Variants in LRBA observed in about 807,000 individuals in gnomAD.
LRBA encodes LPS responsive beige-like anchor protein, also known as lipopolysaccharide-responsive and beige-like anchor protein.
Under a neutral mutation model 330.0 loss-of-function variants are expected in LRBA, and 176 were observed. The observed-to-expected ratio is 0.53, with a 90% CI of 0.47 to 0.60. The LOEUF is 0.60. Among genes scored for constraint, LRBA ranks in the 20% least tolerant of loss-of-function variants. The probability of loss-of-function intolerance (pLI) is 0.00; values close to 1 mark genes in which losing one functional copy is unlikely to be tolerated. For missense variants in LRBA, 3,259 were observed against 3,444.8 expected (o/e 0.95, Z 1.35); for synonymous variants, 1,230 against 1,193.0 (o/e 1.03, Z -0.64).
At chr4:150,989,528 G>T (rs565551495) in intron 2 of LRBA, among the ~76,000 whole-genome samples, 1 of 152,116 alleles carries the variant, frequency 6.6e-6, no homozygotes, top group African/African-American at 2.4e-5. Flanking sequence ...TGAGAGAATC[G>T]CTTGAACCCG....
At chr4:150,775,295 A>G (rs1198957407) in intron 34 of LRBA, among the ~76,000 whole-genome samples, 1 of 152,176 alleles carries the variant, frequency 6.6e-6, no homozygotes, top group Admixed American at 6.5e-5. Context: ...CTTACATTAT[A>G]AATCTACTCC....
intron 36 of LRBA, among the ~76,000 whole-genome samples, chr4:150,692,862 G>A (rs1435588742): frequency 6.6e-6 from 1 of 152,134 alleles, no homozygotes; most frequent in Non-Finnish European, 1.5e-5. Context: ...ATATACTTTT[G>A]CAAGATAGTG....
At position 150,392,476 on chromosome 4, in the gene LRBA, C is replaced by T. The variant is rs186037111; in HGVS notation, c.7194+22962G>A. On this transcript the variant is annotated intron_variant, in intron 47 of 56. Transcript: ENST00000651943. The stretch of plus-strand genomic sequence containing the variant: ...GGCTCCAATACCCTCACAATGTCAT[C>T]TAAACCTAATTATCTTTATTTCTTA... Among the ~76,000 whole-genome samples, 140 of 152,244 alleles carry T rather than the reference C, an allele frequency of 9.2e-4. 4 individuals are homozygous for T. Among genetic ancestry groups the T allele is most frequent in the African/African-American group, 3.3e-3 (138 of 41,550 alleles).
At chr4:150,735,505 G>A in intron 35 of LRBA, 139 bp from the exon 36 acceptor site, 1 of 644,882 alleles carries the variant, frequency 1.6e-6, no homozygotes, top group Admixed American at 2.5e-5. Context: ...ATTATTTCAT[G>A]CTAAATAATT....
chr4:150,312,383 T>C (rs1731188104), intron 51 of LRBA, among the ~76,000 whole-genome samples: 1 of 152,092 alleles, frequency 6.6e-6, no homozygotes, highest in South Asian at 2.1e-4. Context: ...TCAACTTTAA[T>C]ATATTCTACT....
At chr4:150,346,634 C>T (rs1736348003) in intron 48 of LRBA, among the ~76,000 whole-genome samples, 1 of 151,634 alleles carries the variant, frequency 6.6e-6, no homozygotes, top group African/African-American at 2.4e-5. Flanking sequence ...TGGTGCATGC[C>T]TGTAATCCCA....
At position 150,265,816 on chromosome 4, in the gene LRBA, G is replaced by A. The variant is rs1745228677; in HGVS notation, c.8469-4C>T. On this transcript the variant is annotated splice_region_variant and splice_polypyrimidine_tract_variant and intron_variant, in intron 56 of 56. Transcript: ENST00000651943. The stretch of plus-strand genomic sequence containing the variant: ...AGCCATGCCAGAAATGATGCACCTA[G>A]GAGAAGCACAGAGAGAAGGACTTTT... 6.3e-7 allele frequency: 1 copy of A among 1,592,110 alleles called. No homozygotes were observed. Among genetic ancestry groups the A allele is most frequent in the Non-Finnish European group, 8.6e-7 (1 of 1,160,078 alleles).
chr4:150,971,171 T>A (rs757031478), intron 2 of LRBA, among the ~76,000 whole-genome samples: 12 of 152,248 alleles, frequency 7.9e-5, no homozygotes, highest in Non-Finnish European at 1.8e-4. Context: ...ATGTATTAGT[T>A]ATGGTTGCTA....
At chr4:150,479,217 G>A (rs1757037589) in intron 42 of LRBA, among the ~76,000 whole-genome samples, 1 of 151,978 alleles carries the variant, frequency 6.6e-6, no homozygotes, top group African/African-American at 2.4e-5. Flanking sequence ...AGATTGAGCT[G>A]CCGTGATTGT....
At chr4:150,874,692 A>C (rs746524768) in intron 17 of LRBA, among the ~76,000 whole-genome samples, 4 of 151,500 alleles carry the variant, frequency 2.6e-5, no homozygotes, top group Non-Finnish European at 5.9e-5. Context: ...TCAGGCAGAA[A>C]TCCAGACATT....
intron 34 of LRBA, among the ~76,000 whole-genome samples, chr4:150,767,576 G>A (rs542786599): frequency 6.6e-5 from 10 of 151,850 alleles, no homozygotes; most frequent in East Asian, 1.9e-4. Flanking sequence ...TGGCCAACAC[G>A]GTGAAATCCC....
At chr4:150,937,074 G>A (rs932041945) in intron 2 of LRBA, among the ~76,000 whole-genome samples, 3 of 152,018 alleles carry the variant, frequency 2.0e-5, no homozygotes, top group African/African-American at 7.2e-5. Flanking sequence ...CTTTTAAACT[G>A]AGATTATAAT....
chr4:150,860,569 T>C (rs1321294740), intron 22 of LRBA, among the ~76,000 whole-genome samples: 1 of 152,208 alleles, frequency 6.6e-6, no homozygotes, highest in Non-Finnish European at 1.5e-5. Context: ...GGTTCACACC[T>C]GTAATCCCAG....
chr4:150,773,536 A>T (rs1430252004), intron 34 of LRBA, among the ~76,000 whole-genome samples: 1 of 152,238 alleles, frequency 6.6e-6, no homozygotes, highest in African/African-American at 2.4e-5. Context: ...GCATAGGCCA[A>T]ATAGGCAAGT....
intron 17 of LRBA, among the ~76,000 whole-genome samples, chr4:150,886,068 CCT>C (rs1728910192): frequency 6.6e-6 from 1 of 152,010 alleles, no homozygotes; most frequent in South Asian, 2.1e-4. Flanking sequence ...CCCAATAAAG[CCT>C]CTCTGTCCCA....
chr4:150,450,977 C>A (rs1753274888), intron 44 of LRBA, among the ~76,000 whole-genome samples: 1 of 152,124 alleles, frequency 6.6e-6, no homozygotes, highest in African/African-American at 2.4e-5. Context: ...TTGCAATGAG[C>A]CAAGATGGCA....
intron 37 of LRBA, among the ~76,000 whole-genome samples, chr4:150,657,583 T>C (rs192965986): frequency 4.5e-4 from 69 of 152,118 alleles, no homozygotes; most frequent in East Asian, 2.3e-3. Context: ...TATTTATATA[T>C]AAAGTTTTAA....
intron 40 of LRBA, among the ~76,000 whole-genome samples, chr4:150,510,142 A>C (rs887697933): frequency 6.6e-6 from 1 of 152,184 alleles, no homozygotes; most frequent in African/African-American, 2.4e-5. Context: ...TCCATCTCAA[A>C]AAAAAAGAGA....
At chr4:150,598,888 G>T in intron 38 of LRBA, 119 bp downstream of exon 38, 1 of 1,201,486 alleles carries the variant, frequency 8.3e-7, no homozygotes, top group Non-Finnish European at 1.2e-6. Context: ...TTTCTGGTAT[G>T]AACAACCATA....
Sources: allele counts gnomAD v4.1 joint callset (sites outside exome capture counted in the v4.1 genomes callset), GRCh38; gene constraint gnomAD v4.1.1; transcripts MANE v1.5; gene names NCBI Gene and HGNC (gene_info 2026-07-23, HGNC 2026-07-21).